The following IGF1 variants were observed in gnomAD, a reference collection of about 807,000 sequenced individuals.
The protein encoded by IGF1 is insulin like growth factor 1, also known as insulin-like growth factor 1.
A neutral mutation model predicts 13.8 loss-of-function variants in IGF1; 4 were observed. The observed-to-expected ratio is 0.29, with a 90% confidence interval of 0.14 to 0.66. IGF1 has a LOEUF of 0.66. Ranked by LOEUF, IGF1 falls within the 30% of genes least tolerant of loss-of-function variation. The probability of loss-of-function intolerance (pLI) is 0.78; values close to 1 mark genes in which losing one functional copy is unlikely to be tolerated. For synonymous variants in IGF1, 76 were observed against 72.6 expected (o/e 1.05, Z -0.23); for missense variants, 124 against 188.5 (o/e 0.66, Z 2.00).
chr12:102,431,624 G>A (rs891759916), intron 2 of IGF1, among the ~76,000 whole-genome samples: 4 of 152,026 alleles, frequency 2.6e-5, no homozygotes, highest in South Asian at 2.1e-4. Flanking sequence ...CACCTTACTC[G>A]GGAACACCTT....
intron 2 of IGF1, 75 bp downstream of exon 2, chr12:102,475,568 A>T: frequency 6.5e-7 from 1 of 1,538,226 alleles, no homozygotes; most frequent in Non-Finnish European, 9.0e-7. Context: ...TTATTCACAC[A>T]CTCCCTGCGG....
In IGF1 at chr12:102,431,007, A is replaced by G. The variant is rs1399628275; in HGVS notation, c.221-11317T>C. On this transcript the variant is annotated intron_variant, in intron 2 of 3. Transcript: ENST00000337514. ...TGTCTTAATACTCTCTTTTCAAACC[A>G]AATTCCTCTCTTGTGTCTGGCTGTG... Among the ~76,000 whole-genome samples, 6 of 152,082 alleles carry G rather than the reference A, an allele frequency of 3.9e-5. No individual in the cohort carries two copies. In the East Asian group the frequency reaches 9.6e-4, roughly 24 times the overall value.
At chr12:102,438,370 CA>C (rs1357457210) in intron 2 of IGF1, among the ~76,000 whole-genome samples, 4 of 152,208 alleles carry the variant, frequency 2.6e-5, no homozygotes, top group African/African-American at 9.6e-5. Context: ...TTCAGCTCAG[CA>C]TTCACCAAAG....
chr12:102,438,351 A>G (rs1358266645), intron 2 of IGF1, among the ~76,000 whole-genome samples: 1 of 152,214 alleles, frequency 6.6e-6, no homozygotes, highest in Non-Finnish European at 1.5e-5. Context: ...TAAGGATCCA[A>G]GAGATCTTTT....
intron 2 of IGF1, among the ~76,000 whole-genome samples, chr12:102,438,618 A>T (rs1460363982): frequency 6.6e-6 from 1 of 152,190 alleles, no homozygotes; most frequent in African/African-American, 2.4e-5. Context: ...AGGCGCCTGT[A>T]TACTTAAATT....
chr12:102,456,706 G>A (rs536426428), intron 2 of IGF1, among the ~76,000 whole-genome samples: 31 of 152,214 alleles, frequency 2.0e-4, no homozygotes, highest in African/African-American at 7.2e-4. Context: ...TCATGGGATG[G>A]CGGAATGTGA....
At chr12:102,437,515 T>G (rs1427041571) in intron 2 of IGF1, among the ~76,000 whole-genome samples, 1 of 152,234 alleles carries the variant, frequency 6.6e-6, no homozygotes, top group Non-Finnish European at 1.5e-5. Flanking sequence ...TTGTCCAAAC[T>G]AATGTCAAAA....
chr12:102,442,083 G>T (rs1395898986), intron 2 of IGF1, among the ~76,000 whole-genome samples: 1 of 151,682 alleles, frequency 6.6e-6, no homozygotes, highest in African/African-American at 2.4e-5. Flanking sequence ...CTGAGTAGCT[G>T]GGACTGCAGG....
Position 102,395,909 on chromosome 12 carries a change from A to G in IGF1, c.*6598T>C, listed in dbSNP as rs886048855. ...ATGACTAATTTTAATGTAATTACTAAAGAAAGATATACCATTTTATTATGA... is the reference window on the plus strand; with the variant it reads ...ATGACTAATTTTAATGTAATTACTAGAGAAAGATATACCATTTTATTATGA... On this transcript the variant is annotated 3_prime_UTR_variant, in exon 4 of 4. Transcript: ENST00000337514. 1.3e-5 allele frequency: 2 copies of G among 152,206 alleles called. No individual in the cohort carries two copies. The highest frequency in any genetic ancestry group is 2.4e-5 in the African/African-American group (1 of 41,460). 9.4% of individuals were successfully genotyped at this position (152,206 alleles called of 1,614,324 possible).
upstream of IGF1, chr12:102,480,718 C>A: frequency 1.6e-6 from 1 of 624,930 alleles, no homozygotes; most frequent in Admixed American, 4.0e-5. Context: ...AACATCATAC[C>A]TTTGCATTTT....
chr12:102,455,190 G>A (rs1322943053), intron 2 of IGF1, among the ~76,000 whole-genome samples: 2 of 152,224 alleles, frequency 1.3e-5, no homozygotes, highest in Non-Finnish European at 1.5e-5. Flanking sequence ...ATCCTGCCTA[G>A]AACTTCTGAC....
chr12:102,441,658 A>G (rs780317110), intron 2 of IGF1, among the ~76,000 whole-genome samples: 7 of 152,168 alleles, frequency 4.6e-5, no homozygotes, highest in Non-Finnish European at 1.0e-4. Context: ...TATTTTATGT[A>G]GATATTGGAG....
At chr12:102,414,027 A>G (rs1874874600) in intron 3 of IGF1, among the ~76,000 whole-genome samples, 1 of 152,248 alleles carries the variant, frequency 6.6e-6, no homozygotes, top group South Asian at 2.1e-4. Flanking sequence ...ACTGGCTTCT[A>G]CTTCAGGAGA....
chr12:102,411,110 A>C (rs1205871374), intron 3 of IGF1, among the ~76,000 whole-genome samples: 1 of 152,234 alleles, frequency 6.6e-6, no homozygotes, highest in African/African-American at 2.4e-5. Context: ...TAAAGAGACA[A>C]ATCAGAGCAT....
intron 2 of IGF1, among the ~76,000 whole-genome samples, chr12:102,466,764 G>C (rs1592826696): frequency 6.6e-6 from 1 of 152,210 alleles, no homozygotes; most frequent in Admixed American, 6.5e-5. Context: ...TTAGCCAGCT[G>C]TGGTGGCATG....
intron 2 of IGF1, among the ~76,000 whole-genome samples, chr12:102,469,284 A>C (rs924366136): frequency 6.6e-6 from 1 of 152,156 alleles, no homozygotes; most frequent in African/African-American, 2.4e-5. Context: ...ATTAAACAGC[A>C]TTTTTTTAGT....
chr12:102,404,377 T>A (rs1039257573), intron 3 of IGF1, among the ~76,000 whole-genome samples: 1 of 152,200 alleles, frequency 6.6e-6, no homozygotes, highest in African/African-American at 2.4e-5. Context: ...ATAATACCTA[T>A]TGGCCAAGGC....
chr12:102,457,094 C>A (rs1477271112), intron 2 of IGF1, among the ~76,000 whole-genome samples: 2 of 152,174 alleles, frequency 1.3e-5, no homozygotes, highest in African/African-American at 4.8e-5. Context: ...GAATTCAAGG[C>A]TTTTCAGGGT....
chr12:102,466,714 C>G (rs952729243), intron 2 of IGF1, among the ~76,000 whole-genome samples: 1 of 152,026 alleles, frequency 6.6e-6, no homozygotes, highest in Non-Finnish European at 1.5e-5. Context: ...CCAGCATGGG[C>G]AACATGGTAA....
Sources: allele counts gnomAD v4.1 joint callset (sites outside exome capture counted in the v4.1 genomes callset), GRCh38; gene constraint gnomAD v4.1.1; transcripts MANE v1.5; gene names NCBI Gene and HGNC (gene_info 2026-07-23, HGNC 2026-07-21).